TLK1: variants seen among roughly 807,000 people sequenced by gnomAD.
TLK1 encodes tousled like kinase 1.
TLK1 carries 24 observed loss-of-function variants against 105.3 expected under a neutral mutation model. That is an observed-to-expected ratio of 0.23 (90% CI 0.17 to 0.32). The LOEUF is 0.32. Ranked by LOEUF, TLK1 falls within the 10% of genes least tolerant of loss-of-function variation. The probability of loss-of-function intolerance (pLI) is 1.00; values close to 1 mark genes in which losing one functional copy is unlikely to be tolerated. For synonymous variants in TLK1, 321 were observed against 310.4 expected, an observed-to-expected ratio of 1.03 and a Z score of -0.36; for missense variants, 558 against 910.5, an observed-to-expected ratio of 0.61 and a Z score of 4.98.
chr2:171,159,454 G>T (rs1692364065), intron 1 of TLK1: 1 of 152,196 alleles, frequency 6.6e-6, no homozygotes, highest in African/African-American at 2.4e-5. Context: ...ACATCTGGTG[G>T]CAGCCCACTT....
At chr2:171,184,787 C>A (rs1692993807) in intron 1 of TLK1, among the ~76,000 whole-genome samples, 1 of 152,098 alleles carries the variant, frequency 6.6e-6, no homozygotes, top group East Asian at 1.9e-4. Context: ...GAACTCTATC[C>A]TGATCCATTT....
intron 2 of TLK1, among the ~76,000 whole-genome samples, chr2:171,114,365 C>A (rs960593876): frequency 2.6e-5 from 4 of 152,042 alleles, no homozygotes; most frequent in African/African-American, 9.7e-5. Flanking sequence ...GGAGATTATC[C>A]CAGATTATTT....
In TLK1 at chr2:170,993,772, G is replaced by C. The variant is rs143671860; in HGVS notation, c.*8C>G. 1.1e-4 allele frequency: 168 copies of C among 1,555,364 alleles called. No homozygotes were observed. The African/African-American group carries it at 1.6e-3, about 15-fold the overall frequency. On this transcript the variant is annotated 3_prime_UTR_variant, in exon 21 of 21. Coordinates refer to ENST00000431350, the MANE Select transcript of TLK1 (RefSeq NM_012290.5). Reference sequence around the variant, plus strand: ...ATTCAAAGATATCATGCCAATCTTGGAGGAAAGTCAGTAAGTAATTATGCT... The same window carrying C: ...ATTCAAAGATATCATGCCAATCTTGCAGGAAAGTCAGTAAGTAATTATGCT...
At chr2:171,061,237 G>C (rs573584945) in intron 3 of TLK1, 81 bp from the exon 4 acceptor site, 8 of 1,390,238 alleles carry the variant, frequency 5.8e-6, no homozygotes, top group Non-Finnish European at 8.0e-6. Context: ...ACCATGTTTC[G>C]AGACCAAAAA....
chr2:171,125,900 A>T (rs1032605298), intron 1 of TLK1, among the ~76,000 whole-genome samples: 5 of 152,174 alleles, frequency 3.3e-5, no homozygotes, highest in African/African-American at 9.7e-5. Flanking sequence ...TAGAAAACAC[A>T]CTTCAAAGAT....
intron 5 of TLK1, 131 bp from the exon 6 acceptor site, chr2:171,056,697 CAA>C (rs3083754): frequency 0.6 from 251,696 of 420,532 alleles, 71,097 homozygotes; most frequent in East Asian, 0.84. Flanking sequence ...GGGTCCAGAA[CAA>C]AAAAAAAAAA....
chr2:171,010,516 C>T (rs1475852188), intron 14 of TLK1, among the ~76,000 whole-genome samples: 1 of 150,384 alleles, frequency 6.6e-6, no homozygotes, highest in African/African-American at 2.5e-5. Flanking sequence ...ATAGATAACC[C>T]AGTGAATGAG....
intron 1 of TLK1, among the ~76,000 whole-genome samples, chr2:171,182,530 A>C (rs1161142632): frequency 6.6e-6 from 1 of 152,204 alleles, no homozygotes. Flanking sequence ...CATGGAAAAC[A>C]AGGAAATACT....
At chr2:171,007,668 T>G (rs887406700) in intron 14 of TLK1, among the ~76,000 whole-genome samples, 10 of 152,030 alleles carry the variant, frequency 6.6e-5, no homozygotes, top group African/African-American at 2.4e-4. Flanking sequence ...CCTAGTACCC[T>G]TGCATCCCAC....
At chr2:171,086,920 G>A (rs1236760366) in intron 2 of TLK1, among the ~76,000 whole-genome samples, 1 of 152,104 alleles carries the variant, frequency 6.6e-6, no homozygotes, top group Non-Finnish European at 1.5e-5. Flanking sequence ...TCTTTGGCTG[G>A]TCAGTGATCT....
chr2:171,099,054 T>C (rs886398149), intron 2 of TLK1, among the ~76,000 whole-genome samples: 4 of 152,140 alleles, frequency 2.6e-5, no homozygotes, highest in Non-Finnish European at 5.9e-5. Context: ...TTCAACATTG[T>C]ATTGGATGTT....
At chr2:171,124,596 GGATA>G (rs1465748479) in intron 1 of TLK1, among the ~76,000 whole-genome samples, 1 of 152,142 alleles carries the variant, frequency 6.6e-6, no homozygotes. Flanking sequence ...TAACACACAT[GGATA>G]GATGGAAATA....
intron 1 of TLK1, among the ~76,000 whole-genome samples, chr2:171,172,585 G>A (rs1692750346): frequency 1.3e-5 from 2 of 152,102 alleles, no homozygotes; most frequent in African/African-American, 4.8e-5. Context: ...GGATCATGGG[G>A]GTGAATTTTC....
chr2:171,209,325 T>A (rs1693565978), intron 1 of TLK1, among the ~76,000 whole-genome samples: 1 of 152,200 alleles, frequency 6.6e-6, no homozygotes, highest in African/African-American at 2.4e-5. Flanking sequence ...ACCATATGAA[T>A]GTTTTTCTTA....
intron 1 of TLK1, among the ~76,000 whole-genome samples, chr2:171,215,128 G>T (rs1693689468): frequency 6.6e-6 from 1 of 152,022 alleles, no homozygotes; most frequent in African/African-American, 2.4e-5. Flanking sequence ...TTTTGTAGAG[G>T]CGGGCACTTG....
At chr2:170,997,157 A>C (rs1684104590) in intron 19 of TLK1, among the ~76,000 whole-genome samples, 1 of 152,238 alleles carries the variant, frequency 6.6e-6, no homozygotes, top group Admixed American at 6.5e-5. Context: ...ATTTAAATGA[A>C]GGAGCTCTGG....
At chr2:171,228,092 C>T (rs1693933860) in intron 1 of TLK1, among the ~76,000 whole-genome samples, 1 of 152,204 alleles carries the variant, frequency 6.6e-6, no homozygotes, top group Non-Finnish European at 1.5e-5. Flanking sequence ...AGGAGAATCA[C>T]TTGAACCCAG....
At chr2:171,011,529 T>C (rs1198774648) in intron 13 of TLK1, 75 bp from the exon 14 acceptor site, 1 of 1,173,608 alleles carries the variant, frequency 8.5e-7, no homozygotes. Flanking sequence ...AGTTCTACTC[T>C]CTTATTCTAT....
chr2:171,101,788 A>G (rs1689704646), intron 2 of TLK1, among the ~76,000 whole-genome samples: 1 of 152,306 alleles, frequency 6.6e-6, no homozygotes, highest in Non-Finnish European at 1.5e-5. Context: ...GAGGCCTTCA[A>G]AAGAATAGGT....
Sources: gnomAD v4.1 joint callset for allele counts (sites outside exome capture counted in the v4.1 genomes callset) on GRCh38, gnomAD v4.1.1 for gene constraint, MANE v1.5 for transcripts, NCBI Gene and HGNC (gene_info 2026-07-23, HGNC 2026-07-21) for gene names.